DNAJC27: variants seen among roughly 807,000 people sequenced by gnomAD.
DNAJC27 encodes the protein DnaJ heat shock protein family (Hsp40) member C27.
Under a neutral mutation model 31.4 loss-of-function variants are expected in DNAJC27, and 25 were observed. The ratio of observed to expected loss-of-function variants is 0.80; its 90% CI spans 0.58 to 1.11. DNAJC27 has a LOEUF of 1.11. Ranked by LOEUF, DNAJC27 falls within the 50% of genes most tolerant of loss-of-function variation. The probability of loss-of-function intolerance (pLI) is 0.00; values close to 1 mark genes in which losing one functional copy is unlikely to be tolerated. For missense variants in DNAJC27, 356 were observed against 347.3 expected, an observed-to-expected ratio of 1.02 and a Z score of -0.20; for synonymous variants, 106 against 112.7, an observed-to-expected ratio of 0.94 and a Z score of 0.37.
chr2:24,951,143 A>C (rs1439096), intron 6 of DNAJC27, among the ~76,000 whole-genome samples: 132,192 of 152,064 alleles, frequency 0.87, 57,528 homozygotes, highest in Middle Eastern at 0.95. Flanking sequence ...TTCCAGACAG[A>C]TGAAAGCAGA....
At position 24,947,586 on chromosome 2, in the gene DNAJC27, A is replaced by G. The variant is rs754187199; in HGVS notation, c.*30T>C. On this transcript the variant is annotated 3_prime_UTR_variant, in exon 7 of 7. Coordinates refer to ENST00000264711, the MANE Select transcript of DNAJC27 (RefSeq NM_016544.3). ...TCTAGGGAAAGTCTGTTTGCATTTG[A>G]GTCCCACATGTGGCTTTTTTCTGTA... 7.6e-6 allele frequency: 12 copies of G among 1,569,698 alleles called. No individual in the cohort carries two copies. Among genetic ancestry groups the G allele is most frequent in the Non-Finnish European group, 1.0e-5 (12 of 1,148,352 alleles).
intron 6 of DNAJC27, among the ~76,000 whole-genome samples, chr2:24,948,305 G>A (rs1665691721): frequency 6.6e-6 from 1 of 152,126 alleles, no homozygotes; most frequent in South Asian, 2.1e-4. Flanking sequence ...CATAACCCAG[G>A]CATGAGTGAG....
chr2:24,967,150 T>C (rs973510100), intron 2 of DNAJC27, 61 bp downstream of exon 2: 37 of 1,307,698 alleles, frequency 2.8e-5, no homozygotes. Context: ...CAAATATGGA[T>C]CATTTTGGAA....
rs533231969 is a variant in DNAJC27 at position 24,956,454 on chromosome 2, C to T, written c.528+589G>A. 2.6e-3 allele frequency among the ~76,000 whole-genome samples: 395 copies of T among 152,054 alleles called. 2 individuals are homozygous for T. The highest frequency in any genetic ancestry group is 4.9e-3 in the Non-Finnish European group (333 of 67,982). On this transcript the variant is annotated intron_variant, in intron 5 of 6. Transcript: ENST00000264711. ...CTCCCTCTATTTCCTGCTTGATTGG[C>T]GAGGCCTTATTTTTATGTGTGACTG...
At position 24,943,898 on chromosome 2, in the gene DNAJC27, G is replaced by C. The variant is rs1022547261; in HGVS notation, c.*3718C>G. 1 of 152,442 alleles carries C rather than the reference G, an allele frequency of 6.6e-6. No individual in the cohort carries two copies. Among genetic ancestry groups the C allele is most frequent in the Non-Finnish European group, 1.5e-5 (1 of 68,036 alleles). 9.4% of individuals were successfully genotyped at this position (152,442 alleles called of 1,614,324 possible). A position where few individuals can be genotyped will look rare whatever the true frequency, so the allele number is the denominator to read the frequency against. On this transcript the variant is annotated 3_prime_UTR_variant, in exon 7 of 7. Coordinates refer to ENST00000264711, the MANE Select transcript of DNAJC27 (RefSeq NM_016544.3). ...CCAGCAAAACTCATCTTGCCAACAG[G>C]GCCTCTATTGCACCGCCTAATATTG...
Position 24,962,214 on chromosome 2 carries a change from TTCTTTTG to T in DNAJC27, c.240+1184_240+1190del, listed in dbSNP as rs1302943331. Among the ~76,000 whole-genome samples the T allele has an allele frequency of 9.4e-3, 512 of 54,310 alleles. 3 individuals are homozygous for T. The highest frequency in any genetic ancestry group is 0.062 in the Middle Eastern group (5 of 80). 35.6% of individuals were successfully genotyped at this position (54,310 alleles called of 152,430 possible). On this transcript the variant is annotated intron_variant, in intron 3 of 6. Transcript: ENST00000264711. ...TTGGAAACTAAACAACATACTTTTT[TTCTTTTG>T]TTTTTTTTTGTGTTTTTTGTTTGTT...
chr2:24,955,711 A>G (rs1464020261), intron 5 of DNAJC27, among the ~76,000 whole-genome samples: 8 of 152,218 alleles, frequency 5.3e-5, no homozygotes, highest in South Asian at 2.1e-4. Context: ...ACAGAGATTA[A>G]TAAGAGTCAG....
At chr2:24,970,757 C>T (rs2149133858) in intron 1 of DNAJC27, among the ~76,000 whole-genome samples, 1 of 151,220 alleles carries the variant, frequency 6.6e-6, no homozygotes, top group Non-Finnish European at 1.5e-5. Flanking sequence ...GTGCCCAGTC[C>T]CTAGAAAAAA....
At chr2:24,949,477 C>T (rs1195472763) in intron 6 of DNAJC27, among the ~76,000 whole-genome samples, 30 of 152,278 alleles carry the variant, frequency 2.0e-4, no homozygotes, top group East Asian at 1.9e-4. Context: ...ACATCAATTC[C>T]GTTGAAGACG....
At chr2:24,950,141 T>A (rs1208560519) in intron 6 of DNAJC27, among the ~76,000 whole-genome samples, 1 of 150,510 alleles carries the variant, frequency 6.6e-6, no homozygotes, top group Non-Finnish European at 1.5e-5. Context: ...CTACACGAGG[T>A]CATCTGAATT....
chr2:24,951,410 T>G lies in DNAJC27; in HGVS notation c.673A>C (p.Lys225Gln). ...AGCGCTTACCTTGAGGCCCCAGGTTTGACTCCCAGCATGTCCCAACTGTCT... is the reference window on the plus strand; with the variant it reads ...AGCGCTTACCTTGAGGCCCCAGGTTGGACTCCCAGCATGTCCCAACTGTCT... ...SKDSWDMLGV[K>Q]PGASRDEVNK... The change falls in exon 6 of 7, where the codon AAA becomes CAA. Residue 225 changes from lysine to glutamine, a missense_variant. Physicochemically the swap from Lys to Gln is moderately conservative, Grantham distance 53. Coordinates refer to ENST00000264711, the MANE Select transcript of DNAJC27 (RefSeq NM_016544.3). The G allele has an allele frequency of 6.2e-7, 1 of 1,612,728 alleles. No homozygotes were observed. The highest frequency in any genetic ancestry group is 8.5e-7 in the Non-Finnish European group (1 of 1,179,308).
rs1417585492 is a variant in DNAJC27, at chr2:24,971,935, G to T, written c.-31C>A. 5.2e-6 allele frequency: 8 copies of T among 1,537,364 alleles called. No homozygotes were observed. In the African/African-American group the frequency reaches 6.9e-5, roughly 13 times the overall value. On this transcript the variant is annotated 5_prime_UTR_variant, in exon 1 of 7. Coordinates refer to ENST00000264711, the MANE Select transcript of DNAJC27 (RefSeq NM_016544.3). ...TGGCTCTCTCGGGGCCACCCGCCTC[G>T]GTCTCTTCTTGTGCACCGCTGGCCC...
At chr2:24,950,497 T>C (rs919948808) in intron 6 of DNAJC27, among the ~76,000 whole-genome samples, 1 of 152,172 alleles carries the variant, frequency 6.6e-6, no homozygotes, top group Non-Finnish European at 1.5e-5. Context: ...CAACAAAGAA[T>C]AGTGATTGAA....
In DNAJC27 at chr2:24,947,572, T is replaced by C. The variant is rs1480175078; in HGVS notation, c.*44A>G. On this transcript the variant is annotated 3_prime_UTR_variant, in exon 7 of 7. Coordinates refer to ENST00000264711, the MANE Select transcript of DNAJC27 (RefSeq NM_016544.3). ...TTGGTTATTTCACCTCTAGGGAAAG[T>C]CTGTTTGCATTTGAGTCCCACATGT... The C allele has an allele frequency of 1.3e-6, 2 of 1,559,852 alleles. No individual in the cohort carries two copies. Among genetic ancestry groups the C allele is most frequent in the East Asian group, 4.5e-5 (2 of 44,016 alleles).
At chr2:24,968,507 T>TTTA (rs1185570330) in intron 1 of DNAJC27, among the ~76,000 whole-genome samples, 41 of 151,484 alleles carry the variant, frequency 2.7e-4, no homozygotes, top group Admixed American at 2.7e-3. Flanking sequence ...TATTTATTTA[T>TTTA]TTATTATTAT....
chr2:24,959,054 T>G (rs1665979322), intron 3 of DNAJC27, among the ~76,000 whole-genome samples: 1 of 152,138 alleles, frequency 6.6e-6, no homozygotes, highest in Non-Finnish European at 1.5e-5. Context: ...TAAGAAGCTA[T>G]CCCCTAAAGT....
In DNAJC27 at chr2:24,954,752, T is replaced by C. The variant is rs1382664016; in HGVS notation, c.528+2291A>G. Reference sequence around the variant, plus strand: ...CGAGATCGAGACCATCCTGGCTAACTCGGTGAAACCCTGTCTCTACTAAAA... The same window carrying C: ...CGAGATCGAGACCATCCTGGCTAACCCGGTGAAACCCTGTCTCTACTAAAA... On this transcript the variant is annotated intron_variant, in intron 5 of 6. Coordinates refer to ENST00000264711, the MANE Select transcript of DNAJC27 (RefSeq NM_016544.3). Among the ~76,000 whole-genome samples, 3 of 151,980 alleles carry C rather than the reference T, an allele frequency of 2.0e-5. No individual in the cohort carries two copies. In the South Asian group the frequency reaches 6.2e-4, roughly 32 times the overall value.
At chr2:24,963,316 A>C in intron 3 of DNAJC27, 89 bp downstream of exon 3, 1 of 1,013,030 alleles carries the variant, frequency 9.9e-7, no homozygotes, top group Non-Finnish European at 1.5e-6. Context: ...TACACATGAT[A>C]TCAATATTGG....
intron 6 of DNAJC27, among the ~76,000 whole-genome samples, chr2:24,950,630 T>C (rs1225737612): frequency 1.3e-5 from 2 of 152,160 alleles, no homozygotes; most frequent in Admixed American, 6.5e-5. Context: ...TTGGATCACC[T>C]GAGGCCAGGA....
Sources: gnomAD v4.1 joint callset for allele counts (sites outside exome capture counted in the v4.1 genomes callset) on GRCh38, gnomAD v4.1.1 for gene constraint, MANE v1.5 for transcripts, NCBI Gene and HGNC (gene_info 2026-07-23, HGNC 2026-07-21) for gene names.